RALGPS2: variants seen among roughly 807,000 people sequenced by gnomAD.
RALGPS2 encodes Ral GEF with PH domain and SH3 binding motif 2, also known as ras-specific guanine nucleotide-releasing factor RalGPS2.
In RALGPS2, 43 loss-of-function variants were observed where a neutral mutation model predicts 86.8. The ratio of observed to expected loss-of-function variants is 0.50; its 90% CI spans 0.39 to 0.64. RALGPS2 has a LOEUF of 0.64. RALGPS2 is among the 30% of genes least tolerant of loss of function. The pLI, the probability that RALGPS2 is intolerant of heterozygous loss-of-function variation, is 0.00. For synonymous variants in RALGPS2, 243 were observed against 231.3 expected (o/e 1.05, Z -0.46); for missense variants, 536 against 694.6 (o/e 0.77, Z 2.57).
At chr1:178,735,277 A>G (rs1650608038) in intron 1 of RALGPS2, among the ~76,000 whole-genome samples, 2 of 152,236 alleles carry the variant, frequency 1.3e-5, no homozygotes, top group South Asian at 2.1e-4. Context: ...ATACTCCATG[A>G]CTTCATTTAC....
chr1:178,861,487 AC>A (rs1658009858), intron 8 of RALGPS2, among the ~76,000 whole-genome samples: 1 of 152,018 alleles, frequency 6.6e-6, no homozygotes, highest in Non-Finnish European at 1.5e-5. Flanking sequence ...GTATAATAAA[AC>A]ATAGAATTGG....
In RALGPS2 at chr1:178,821,836, C is replaced by T. The variant is rs1655522290; in HGVS notation, c.480+132C>T. 27 of 743,810 alleles carry T rather than the reference C, an allele frequency of 3.6e-5. 1 individual carries two copies. The South Asian group carries it at 5.7e-4, about 16-fold the overall frequency. The allele number at this position is 743,810 out of a possible 1,614,324, so 46.1% of individuals were successfully genotyped here. A position where few individuals can be genotyped will look rare whatever the true frequency, so the allele number is the denominator to read the frequency against. ...AAGGATTTTTAAATTGCTTTGTACT[C>T]TATTCTTTGATACCTACATTTTTTC... is the stretch of plus-strand genomic sequence containing the variant. On this transcript the variant is annotated intron_variant, in intron 7 of 19. Transcript: ENST00000367635.
At chr1:178,872,556 A>AT (rs1658817418) in intron 8 of RALGPS2, among the ~76,000 whole-genome samples, 1 of 152,092 alleles carries the variant, frequency 6.6e-6, no homozygotes, top group South Asian at 2.1e-4. Flanking sequence ...AGCCATTTAG[A>AT]TTTTTCCTGT....
In RALGPS2 at chr1:178,864,881, TATG is replaced by T. The variant is rs1465100334; in HGVS notation, c.608-12615_608-12613del. 15 of 1,039,378 alleles carry T rather than the reference TATG, an allele frequency of 1.4e-5. No homozygotes were observed. The African/African-American group carries it at 2.4e-4, about 17-fold the overall frequency. The allele number at this position is 1,039,378 out of a possible 1,614,324, so 64.4% of individuals were successfully genotyped here. On this transcript the variant is annotated intron_variant, in intron 8 of 19. Coordinates refer to ENST00000367635, the MANE Select transcript of RALGPS2 (RefSeq NM_152663.5). ...CATCGCAAAATGAATAAGCATTTAT[TATG>T]AGCATTGTTTCATAAGGCATAAAAA...
intron 18 of RALGPS2, among the ~76,000 whole-genome samples, chr1:178,904,915 T>C (rs1027725202): frequency 1.4e-4 from 21 of 152,210 alleles, no homozygotes; most frequent in African/African-American, 4.6e-4. Context: ...GGCGATTGCA[T>C]TGAATTTGTA....
At chr1:178,868,930 G>A (rs895332830) in intron 8 of RALGPS2, among the ~76,000 whole-genome samples, 2 of 151,768 alleles carry the variant, frequency 1.3e-5, no homozygotes, top group African/African-American at 4.8e-5. Context: ...GTAAAGAACT[G>A]GTTTTAAAAA....
chr1:178,878,921 T>C lies in RALGPS2; in HGVS notation c.765T>C (p.His255=), dbSNP rs1303853373. 5.6e-6 allele frequency: 9 copies of C among 1,612,292 alleles called. No homozygotes were observed. Among genetic ancestry groups the C allele is most frequent in the East Asian group, 2.2e-5 (1 of 44,672 alleles). Residue 255 remains histidine (H), a synonymous_variant, in exon 10 of 20, where the codon CAT becomes CAC. Transcript: ENST00000367635. ...SCEYDIPMLP[H]VQKYLNSVQY... is the part of the protein sequence containing the mutation. ...GCCTAGATATTCCCATGTTGCCTCATGTCCAAAAATATCTCAACTCTGTTC... is the reference window on the plus strand; with the variant it reads ...GCCTAGATATTCCCATGTTGCCTCACGTCCAAAAATATCTCAACTCTGTTC...
intron 6 of RALGPS2, among the ~76,000 whole-genome samples, chr1:178,812,794 TAAG>T (rs1655045454): frequency 6.6e-6 from 1 of 152,146 alleles, no homozygotes; most frequent in Non-Finnish European, 1.5e-5. Flanking sequence ...CTATTTTCCT[TAAG>T]AACATGGGAG....
chr1:178,764,283 A>G (rs1299232166), intron 1 of RALGPS2, among the ~76,000 whole-genome samples: 2 of 152,154 alleles, frequency 1.3e-5, no homozygotes, highest in East Asian at 1.9e-4. Flanking sequence ...TTAGAGTAGC[A>G]ACCTCTGCTT....
intron 1 of RALGPS2, among the ~76,000 whole-genome samples, chr1:178,743,064 T>TA (rs929477990): frequency 3.3e-5 from 5 of 151,942 alleles, no homozygotes; most frequent in African/African-American, 1.2e-4. Context: ...AACATTTTTT[T>TA]AAAAAAAATT....
At chr1:178,761,126 C>T (rs911409785) in intron 1 of RALGPS2, among the ~76,000 whole-genome samples, 1 of 151,980 alleles carries the variant, frequency 6.6e-6, no homozygotes, top group Non-Finnish European at 1.5e-5. Flanking sequence ...AGGTATGTGC[C>T]ACCATGCCTG....
chr1:178,834,319 C>G (rs1444037152), intron 8 of RALGPS2, among the ~76,000 whole-genome samples: 1 of 152,024 alleles, frequency 6.6e-6, no homozygotes, highest in Non-Finnish European at 1.5e-5. Flanking sequence ...CTGGTCCTCC[C>G]CACCCCCCAG....
intron 10 of RALGPS2, among the ~76,000 whole-genome samples, chr1:178,881,741 G>T (rs116770710): frequency 6.6e-6 from 1 of 152,198 alleles, no homozygotes; most frequent in African/African-American, 2.4e-5. Context: ...GTGAGCCACC[G>T]CACTCACTGA....
At chr1:178,908,192 GT>G (rs1372848201) in intron 19 of RALGPS2, among the ~76,000 whole-genome samples, 28 of 152,180 alleles carry the variant, frequency 1.8e-4, no homozygotes, top group Admixed American at 1.8e-3. Flanking sequence ...GCAGTATTTG[GT>G]TTTCTGTTCC....
At chr1:178,744,369 GTC>G (rs1442813131) in intron 1 of RALGPS2, among the ~76,000 whole-genome samples, 2 of 152,162 alleles carry the variant, frequency 1.3e-5, no homozygotes, top group East Asian at 1.9e-4. Flanking sequence ...AGTGAAGGAT[GTC>G]TCTGAAAAAA....
At chr1:178,881,964 C>T (rs1177099040) in intron 10 of RALGPS2, among the ~76,000 whole-genome samples, 1 of 152,152 alleles carries the variant, frequency 6.6e-6, no homozygotes, top group Non-Finnish European at 1.5e-5. Context: ...TCTACATAGG[C>T]AGCCAGTATA....
chr1:178,790,340 A>T (rs1237194848), intron 4 of RALGPS2, among the ~76,000 whole-genome samples: 2 of 152,156 alleles, frequency 1.3e-5, no homozygotes, highest in Non-Finnish European at 2.9e-5. Context: ...CTGGCAGAAA[A>T]ATGTTTTTAA....
chr1:178,861,583 A>G (rs910197976), intron 8 of RALGPS2, among the ~76,000 whole-genome samples: 4 of 152,116 alleles, frequency 2.6e-5, no homozygotes, highest in African/African-American at 9.7e-5. Flanking sequence ...AGAATTGGTT[A>G]TACCATCCAC....
chr1:178,749,645 A>C (rs1342999076), intron 1 of RALGPS2, among the ~76,000 whole-genome samples: 1 of 152,128 alleles, frequency 6.6e-6, no homozygotes, highest in Non-Finnish European at 1.5e-5. Context: ...GGATTTTGTA[A>C]ATTCAATTTG....
Sources: allele counts gnomAD v4.1 joint callset (sites outside exome capture counted in the v4.1 genomes callset), GRCh38; gene constraint gnomAD v4.1.1; transcripts MANE v1.5; gene names NCBI Gene and HGNC (gene_info 2026-07-23, HGNC 2026-07-21).